IL23R: variants seen among roughly 807,000 people sequenced by gnomAD.
IL23R encodes the protein interleukin 23 receptor.
A neutral mutation model predicts 56.9 loss-of-function variants in IL23R; 34 were observed. The observed-to-expected ratio is 0.60, with a 90% CI of 0.45 to 0.80. The LOEUF (loss-of-function observed/expected upper bound fraction) is 0.80, where lower values mean the gene tolerates loss of function less well. IL23R is among the 30% of genes least tolerant of loss of function. The pLI, the probability that IL23R is intolerant of heterozygous loss-of-function variation, is 0.00. For missense variants in IL23R, 635 were observed against 730.0 expected (o/e 0.87, Z 1.50); for synonymous variants, 230 against 249.2 (o/e 0.92, Z 0.73).
At chr1:67,163,508 GA>G (rs1252154313), upstream of IL23R, among the ~76,000 whole-genome samples, 3 of 119,996 alleles carry the variant, frequency 2.5e-5, no homozygotes, top group East Asian at 4.9e-4. Context: ...AGACAGAAAA[GA>G]AAAGAAAAAA....
chr1:67,245,743 T>C (rs145972414), intron 9 of IL23R, among the ~76,000 whole-genome samples: 296 of 152,360 alleles, frequency 1.9e-3, no homozygotes, highest in Admixed American at 2.9e-3. Context: ...ACATCGATGT[T>C]TATCAGGGAT....
In IL23R at chr1:67,255,895, A is replaced by T. The variant is rs1652919761; in HGVS notation, c.1207A>T (p.Met403Leu). 6.2e-7 allele frequency: 1 copy of T among 1,603,296 alleles called. No homozygotes were observed. Reference sequence around the variant, plus strand: ...GTGGCTTTATGAAGATATTCCTAATATGAAAAACAGCAATGTTGTGAAAAT... The same window carrying T: ...GTGGCTTTATGAAGATATTCCTAATTTGAAAAACAGCAATGTTGTGAAAAT... ...PKWLYEDIPN[M>L]KNSNVVKMLQ... The change falls in exon 10 of 11, where the codon ATG (methionine) becomes TTG (leucine). Residue 403 changes from methionine to leucine, a missense_variant. Transcript: ENST00000347310.
chr1:67,263,725 A>G (rs1653274322), downstream of IL23R, among the ~76,000 whole-genome samples: 1 of 152,162 alleles, frequency 6.6e-6, no homozygotes, highest in Non-Finnish European at 1.5e-5. Flanking sequence ...AGCCTGGCCA[A>G]CATGATGCAA....
upstream of IL23R, among the ~76,000 whole-genome samples, chr1:67,161,863 C>A (rs999532332): frequency 1.3e-5 from 2 of 151,874 alleles, no homozygotes; most frequent in Non-Finnish European, 2.9e-5. Context: ...CCTGACCTTG[C>A]GATCCACCTG....
chr1:67,258,879 A>G lies in IL23R; in HGVS notation c.1641A>G (p.Gly547=), dbSNP rs1653095424. Residue 547 remains glycine (G), a synonymous_variant, in exon 11 of 11, where the codon GGA becomes GGG. Transcript: ENST00000347310. ...CACTAAGCAACACAATATTTCTTGG[A>G]GAATTAAGCCTCATATTAAATCAAG... ...VNSLSNTIFL[G]ELSLILNQGE... is the part of the protein sequence containing the mutation. 1.2e-6 allele frequency: 2 copies of G among 1,613,966 alleles called. No individual in the cohort carries two copies. Among genetic ancestry groups the G allele is most frequent in the Admixed American group, 3.3e-5 (2 of 59,962 alleles).
chr1:67,204,413 C>A (rs1295670462), intron 5 of IL23R, among the ~76,000 whole-genome samples: 2 of 152,144 alleles, frequency 1.3e-5, no homozygotes, highest in South Asian at 2.1e-4. Context: ...GTGTAACAAA[C>A]TAAATATTCA....
intron 9 of IL23R, among the ~76,000 whole-genome samples, chr1:67,248,462 A>ATTT (rs1652390461): frequency 2.0e-5 from 3 of 152,128 alleles, no homozygotes; most frequent in Admixed American, 2.0e-4. Flanking sequence ...TTTCAGCACC[A>ATTT]TCAGGTCATT....
intron 3 of IL23R, 60 bp downstream of exon 3, chr1:67,169,698 T>G: frequency 7.1e-7 from 1 of 1,406,346 alleles, no homozygotes; most frequent in South Asian, 1.2e-5. Context: ...TAACTGGTCA[T>G]TACCACACTA....
chr1:67,242,402 C>A (rs1651911512), intron 9 of IL23R, among the ~76,000 whole-genome samples: 1 of 152,158 alleles, frequency 6.6e-6, no homozygotes, highest in African/African-American at 2.4e-5. Flanking sequence ...ACCCCCTTTT[C>A]ACTTCTATTG....
At chr1:67,227,699 A>G (rs1313113093) in intron 7 of IL23R, among the ~76,000 whole-genome samples, 1 of 152,264 alleles carries the variant, frequency 6.6e-6, no homozygotes, top group Non-Finnish European at 1.5e-5. Context: ...ATGTGTAATT[A>G]GAGATTTGTG....
At chr1:67,261,700 G>A (rs1558271709), downstream of IL23R, among the ~76,000 whole-genome samples, 1 of 152,128 alleles carries the variant, frequency 6.6e-6, no homozygotes, top group African/African-American at 2.4e-5. Context: ...ATAAATCTTT[G>A]ATGTTTGCAA....
chr1:67,235,267 C>G (rs1048610001), intron 7 of IL23R, among the ~76,000 whole-genome samples: 9 of 152,110 alleles, frequency 5.9e-5, no homozygotes, highest in Non-Finnish European at 1.3e-4. Context: ...GAAGCCAGGA[C>G]AAAAAACACG....
chr1:67,141,645 C>G lies in IL23R; in HGVS notation c.-634+2484C>G, dbSNP rs544976649. Among the ~76,000 whole-genome samples the G allele has an allele frequency of 1.4e-4, 22 of 152,210 alleles. No homozygotes were observed. The South Asian group carries it at 4.2e-3, about 29-fold the overall frequency. On this transcript the variant is annotated intron_variant, in intron 1 of 10. Transcript: ENST00000637002. Reference sequence around the variant, plus strand: ...GTAGTGATGCATATCTGCAGTCCAGCTATTCAGGAGGCTGAGGTAGAAGGA... The same window carrying G: ...GTAGTGATGCATATCTGCAGTCCAGGTATTCAGGAGGCTGAGGTAGAAGGA...
chr1:67,183,010 C>T (rs767842695), intron 4 of IL23R, 51 bp downstream of exon 4: 3 of 1,608,038 alleles, frequency 1.9e-6, no homozygotes, highest in Non-Finnish European at 2.6e-6. Flanking sequence ...CCAGTTCAGC[C>T]AGAGCTCTGC....
At chr1:67,246,261 G>T (rs1322657999) in intron 9 of IL23R, among the ~76,000 whole-genome samples, 3 of 152,090 alleles carry the variant, frequency 2.0e-5, no homozygotes, top group Non-Finnish European at 4.4e-5. Context: ...CAAAAAACCA[G>T]CTCCTGGATT....
At chr1:67,139,637 A>G (rs1231025820) in intron 1 of IL23R, among the ~76,000 whole-genome samples, 2 of 152,218 alleles carry the variant, frequency 1.3e-5, no homozygotes, top group Non-Finnish European at 2.9e-5. Flanking sequence ...TACAGTTTGA[A>G]TATTTGTCCC....
At chr1:67,214,680 A>T (rs1162197471) in intron 6 of IL23R, among the ~76,000 whole-genome samples, 2 of 152,228 alleles carry the variant, frequency 1.3e-5, no homozygotes, top group African/African-American at 2.4e-5. Context: ...TTTCTAGTCT[A>T]TTACATACTC....
chr1:67,186,243 C>T (rs964627961), intron 4 of IL23R, among the ~76,000 whole-genome samples: 2 of 152,194 alleles, frequency 1.3e-5, no homozygotes, highest in Non-Finnish European at 2.9e-5. Context: ...AGCCTAGTGT[C>T]TTGAGGATCT....
chr1:67,143,302 A>G (rs922429365), intron 1 of IL23R, among the ~76,000 whole-genome samples: 1 of 152,252 alleles, frequency 6.6e-6, no homozygotes, highest in African/African-American at 2.4e-5. Context: ...TAACGAATAT[A>G]TAAATATCAT....
Sources: allele counts gnomAD v4.1 joint callset (sites outside exome capture counted in the v4.1 genomes callset), GRCh38; gene constraint gnomAD v4.1.1; transcripts MANE v1.5; gene names NCBI Gene and HGNC (gene_info 2026-07-23, HGNC 2026-07-21).